PLEKHM1: variants seen among roughly 807,000 people sequenced by gnomAD.
The protein encoded by PLEKHM1 is pleckstrin homology and RUN domain containing M1, also known as pleckstrin homology domain-containing family M member 1.
In PLEKHM1, 28 loss-of-function variants were observed where a neutral mutation model predicts 94.3. The ratio of observed to expected loss-of-function variants is 0.30; its 90% CI spans 0.22 to 0.41. The LOEUF (loss-of-function observed/expected upper bound fraction) is 0.41. PLEKHM1 is among the 10% of genes least tolerant of loss of function. PLEKHM1 has a pLI of 1.00. For missense variants in PLEKHM1, 907 were observed against 1,358.6 expected (o/e 0.67, Z 5.22); for synonymous variants, 424 against 581.2 (o/e 0.73, Z 3.89).
At chr17:45,449,842 C>T (rs1468430332) in intron 8 of PLEKHM1, among the ~76,000 whole-genome samples, 1 of 151,614 alleles carries the variant, frequency 6.6e-6, no homozygotes, top group Non-Finnish European at 1.5e-5. Context: ...GCCCATCCAC[C>T]TAGCCACCTG....
At position 45,440,151 on chromosome 17, in the gene PLEKHM1, T is replaced by G. The variant is rs369641263; in HGVS notation, c.2901+12A>C. ...TCTAGAGGTCTGGGCGGGGGAAGCATGACACTCTTACCTGTTGGAGGTCAG... is the reference window on the plus strand; with the variant it reads ...TCTAGAGGTCTGGGCGGGGGAAGCAGGACACTCTTACCTGTTGGAGGTCAG... On this transcript the variant is annotated intron_variant, in intron 10 of 11. Coordinates refer to ENST00000430334, the MANE Select transcript of PLEKHM1 (RefSeq NM_014798.3). 1.2e-6 allele frequency: 2 copies of G among 1,611,908 alleles called. No homozygotes were observed. Among genetic ancestry groups the G allele is most frequent in the Non-Finnish European group, 1.7e-6 (2 of 1,177,996 alleles).
At chr17:45,439,982 G>C (rs1250739382) in intron 10 of PLEKHM1, 181 bp downstream of exon 10, 3 of 667,590 alleles carry the variant, frequency 4.5e-6, no homozygotes, top group Non-Finnish European at 8.0e-6. Flanking sequence ...GGGTGCTGGG[G>C]GTATCCGTCC....
intron 5 of PLEKHM1, among the ~76,000 whole-genome samples, chr17:45,465,781 G>T (rs2051302227): frequency 6.6e-6 from 1 of 152,086 alleles, no homozygotes; most frequent in South Asian, 2.1e-4. Flanking sequence ...CTGCAAGGAG[G>T]CCGGTGGGTC....
At chr17:45,435,295 T>C (rs1299200074), downstream of PLEKHM1, among the ~76,000 whole-genome samples, 3 of 152,164 alleles carry the variant, frequency 2.0e-5, no homozygotes, top group Non-Finnish European at 4.4e-5. Context: ...GCAACCTGAT[T>C]TCCCTGAGAA....
chr17:45,475,247 G>A lies in PLEKHM1; in HGVS notation c.776C>T (p.Ser259Leu). 1.2e-6 allele frequency: 2 copies of A among 1,613,994 alleles called. No homozygotes were observed. Among genetic ancestry groups the A allele is most frequent in the South Asian group, 2.2e-5 (2 of 91,076 alleles). ...GTTTAGGCTGCAGGACAGCTGGGAT[G>A]AACTGGCCGTGTCCAGGCTGAGGGA... ...ASSLSLDTAS[S>L]SQLSCSLNSD... The change falls in exon 4 of 12, where the codon TCA (serine) becomes TTA (leucine). Residue 259 changes from serine to leucine, a missense_variant. Physicochemically the swap from Ser to Leu is moderately radical, Grantham distance 145. Around this residue, in one of 3 missense-constraint regions of PLEKHM1, gnomAD observed 477 missense variants for 601.5 expected, o/e 0.79. Coordinates refer to ENST00000430334, the MANE Select transcript of PLEKHM1 (RefSeq NM_014798.3).
In PLEKHM1 at chr17:45,454,247, G is replaced by A; in HGVS notation, c.1605C>T (p.Leu535=). The A allele has an allele frequency of 3.1e-6, 5 of 1,609,412 alleles. No individual in the cohort carries two copies. Among genetic ancestry groups the A allele is most frequent in the Non-Finnish European group, 4.2e-6 (5 of 1,178,128 alleles). ...GCCGCTCCACGGTGCCCAGCTTCAT[G>A]AGACCCCGGAATGGGTTGGACAGTC... ...QMGLSNPFRG[L]MKLGTVERRG... is the part of the protein sequence containing the mutation. Residue 535 remains leucine (L), a synonymous_variant, in exon 7 of 12, where the codon CTC becomes CTT. Coordinates refer to ENST00000430334, the MANE Select transcript of PLEKHM1 (RefSeq NM_014798.3).
chr17:45,477,557 C>T, intron 3 of PLEKHM1: 1 of 392,528 alleles, frequency 2.5e-6, no homozygotes, highest in African/African-American at 2.1e-5. Context: ...CTTTGCAGGC[C>T]ACACAACCTC....
chr17:45,486,230 TA>T (rs2052118261), intron 1 of PLEKHM1, among the ~76,000 whole-genome samples: 1 of 126,620 alleles, frequency 7.9e-6, no homozygotes, highest in African/African-American at 3.0e-5. Context: ...AAAAAAAAGA[TA>T]AAATAAAAAA....
intron 1 of PLEKHM1, among the ~76,000 whole-genome samples, 177 bp downstream of exon 1, chr17:45,490,475 G>C (rs2052278598): frequency 1.3e-5 from 2 of 152,138 alleles, no homozygotes; most frequent in Admixed American, 6.5e-5. Flanking sequence ...GCAGGGGGAA[G>C]GCTGGGTCGG....
chr17:45,440,540 T>C (rs1369078213), intron 9 of PLEKHM1, among the ~76,000 whole-genome samples: 1 of 152,232 alleles, frequency 6.6e-6, no homozygotes, highest in Non-Finnish European at 1.5e-5. Context: ...AGTAAACACG[T>C]AATTAATCAT....
chr17:45,455,809 G>A (rs1371815385), intron 6 of PLEKHM1, among the ~76,000 whole-genome samples: 1 of 152,092 alleles, frequency 6.6e-6, no homozygotes, highest in African/African-American at 2.4e-5. Context: ...CTCAGCGTAG[G>A]AGCCATGATG....
At chr17:45,480,419 G>T (rs1666897419) in intron 2 of PLEKHM1, among the ~76,000 whole-genome samples, 1 of 152,132 alleles carries the variant, frequency 6.6e-6, no homozygotes, top group Non-Finnish European at 1.5e-5. Flanking sequence ...GGGAGGTGGA[G>T]TTTGTAGTGA....
chr17:45,477,183 T>G (rs1351222956), intron 3 of PLEKHM1: 1 of 156,882 alleles, frequency 6.4e-6, no homozygotes, highest in Non-Finnish European at 1.4e-5. Context: ...CTTTATATAA[T>G]CCCAGCACTT....
Position 45,439,608 on chromosome 17 carries a change from G to T in PLEKHM1, c.2928C>A (p.Phe976Leu). Residue 976 changes from phenylalanine (F) to leucine (L), a missense_variant, in exon 11 of 12, where the codon TTC becomes TTA. Phe to Leu is a conservative substitution (Grantham distance 22). This residue lies in a region of PLEKHM1 where 254 missense variants were observed against 451.1 expected (regional missense o/e 0.56). Coordinates refer to ENST00000430334, the MANE Select transcript of PLEKHM1 (RefSeq NM_014798.3). ...QQIADGVYEG[F>L]LKALIEFASQ... ...AGGCAAATTCAATCAGGGCCTTGAG[G>T]AATCCTTCATACACCCCGTCTGCGA... 1 of 1,614,096 alleles carries T rather than the reference G, an allele frequency of 6.2e-7. No individual in the cohort carries two copies. The highest frequency in any genetic ancestry group is 1.3e-5 in the African/African-American group (1 of 75,046).
chr17:45,460,488 C>G (rs1194342813), intron 5 of PLEKHM1: 2 of 152,290 alleles, frequency 1.3e-5, no homozygotes, highest in Admixed American at 1.3e-4. Flanking sequence ...CTCCTGACCT[C>G]AGGTGACCCA....
chr17:45,482,009 T>C (rs2051968920), intron 2 of PLEKHM1, among the ~76,000 whole-genome samples: 1 of 152,060 alleles, frequency 6.6e-6, no homozygotes, highest in African/African-American at 2.4e-5. Flanking sequence ...TCCAGTGAAC[T>C]GCTCACAAAT....
rs531873798 is a variant in PLEKHM1, at chr17:45,458,186, A to G, written c.1562T>C (p.Val521Ala). 4.3e-5 allele frequency: 69 copies of G among 1,613,576 alleles called. No homozygotes were observed. The highest frequency in any genetic ancestry group is 8.3e-5 in the Admixed American group (5 of 59,972). The part of the protein sequence containing the change: ...PSQGHKSFRV[V>A]HRRQMGLSNP... ...TAACCTACCCATCTGTCTCCGGTGT[A>G]CCACCCGGAAGCTCTTATGCCCCTG... Residue 521 changes from valine to alanine, a missense_variant, in exon 6 of 12, where the codon GTA becomes GCA. Around this residue, in one of 3 missense-constraint regions of PLEKHM1, gnomAD observed 477 missense variants for 601.5 expected, o/e 0.79. Coordinates refer to ENST00000430334, the MANE Select transcript of PLEKHM1 (RefSeq NM_014798.3).
chr17:45,435,904 GAGAAAGATC>G lies in PLEKHM1; in HGVS notation c.*1945_*1953del, dbSNP rs1567752762. Reference sequence around the variant, plus strand: ...AGAATTCAGAAGCCAGACCAGTGATGAGAAAGATCAGGTCTTTACTGCAAAATCATTCAA... The same window carrying G: ...AGAATTCAGAAGCCAGACCAGTGATGAGGTCTTTACTGCAAAATCATTCAA... On this transcript the variant is annotated 3_prime_UTR_variant, in exon 12 of 12. Transcript: ENST00000430334. The G allele has an allele frequency of 4.4e-6, 2 of 452,112 alleles. No homozygotes were observed. The highest frequency in any genetic ancestry group is 4.0e-5 in the African/African-American group (2 of 50,012). The allele number at this position is 452,112 out of a possible 1,614,324, so 28.0% of individuals were successfully genotyped here.
In PLEKHM1 at chr17:45,447,517, C is replaced by T. The variant is rs370660383; in HGVS notation, c.2644-1854G>A. Among the ~76,000 whole-genome samples the T allele has an allele frequency of 5.1e-4, 78 of 152,358 alleles. 2 individuals carry two copies. The highest frequency in any genetic ancestry group is 1.8e-3 in the African/African-American group (75 of 41,580). Reference sequence around the variant, plus strand: ...TGGGCAGGGGCTTTGTGCTCCCCAGCGACTGTTCCTATCCTGCGGGAATGG... The same window carrying T: ...TGGGCAGGGGCTTTGTGCTCCCCAGTGACTGTTCCTATCCTGCGGGAATGG... On this transcript the variant is annotated intron_variant, in intron 8 of 11. Coordinates refer to ENST00000430334, the MANE Select transcript of PLEKHM1 (RefSeq NM_014798.3).
Sources: gnomAD v4.1 joint callset for allele counts (sites outside exome capture counted in the v4.1 genomes callset) on GRCh38, gnomAD v4.1.1 for gene constraint, gnomAD v4.1.1 regional missense constraint, MANE v1.5 for transcripts, NCBI Gene and HGNC (gene_info 2026-07-23, HGNC 2026-07-21) for gene names.